Variants in TBC1D5 observed in about 807,000 individuals in gnomAD.
The protein encoded by TBC1D5 is TBC1 domain family member 5.
A neutral mutation model predicts 100.3 loss-of-function variants in TBC1D5; 75 were observed. The observed-to-expected ratio is 0.75, with a 90% CI of 0.62 to 0.91. The LOEUF (loss-of-function observed/expected upper bound fraction) is 0.91. Ranked by LOEUF, TBC1D5 falls within the 40% of genes least tolerant of loss-of-function variation. The pLI is 0.00. For synonymous variants in TBC1D5, 323 were observed against 325.6 expected (o/e 0.99, Z 0.09); for missense variants, 910 against 942.4 (o/e 0.97, Z 0.45).
At chr3:17,730,424 G>T (rs1050658315) in intron 1 of TBC1D5, among the ~76,000 whole-genome samples, 2 of 152,128 alleles carry the variant, frequency 1.3e-5, no homozygotes, top group African/African-American at 4.8e-5. Context: ...TGAAATGCTT[G>T]TTCTTAGAGC....
intron 17 of TBC1D5, 48 bp from the exon 18 acceptor site, chr3:17,233,798 T>A (rs914358462): frequency 8.1e-7 from 1 of 1,228,292 alleles, no homozygotes; most frequent in Non-Finnish European, 1.2e-6. Context: ...AAGGAAATAA[T>A]CAACTTCACT....
intron 3 of TBC1D5, among the ~76,000 whole-genome samples, chr3:17,475,204 A>G (rs1234042648): frequency 6.6e-6 from 1 of 151,590 alleles, no homozygotes; most frequent in Non-Finnish European, 1.5e-5. Flanking sequence ...ATATTCCCAA[A>G]TCTAACACCA....
At chr3:17,599,665 T>C (rs2060802747) in intron 2 of TBC1D5, among the ~76,000 whole-genome samples, 2 of 152,102 alleles carry the variant, frequency 1.3e-5, no homozygotes, top group South Asian at 4.1e-4. Flanking sequence ...GCAAAGACAG[T>C]ATTAATTGTA....
At chr3:17,715,801 C>CT (rs2075176371) in intron 1 of TBC1D5, among the ~76,000 whole-genome samples, 1 of 151,470 alleles carries the variant, frequency 6.6e-6, no homozygotes, top group African/African-American at 2.4e-5. Context: ...GACTATGTCT[C>CT]TTAAAAAAAA....
intron 21 of TBC1D5, among the ~76,000 whole-genome samples, chr3:17,162,734 G>T (rs915665290): frequency 2.6e-5 from 4 of 152,208 alleles, no homozygotes; most frequent in Non-Finnish European, 4.4e-5. Context: ...TGGAGGAAAA[G>T]AACTCAAATC....
At chr3:17,366,374 G>A (rs2092130129) in intron 13 of TBC1D5, among the ~76,000 whole-genome samples, 2 of 151,672 alleles carry the variant, frequency 1.3e-5, no homozygotes, top group Non-Finnish European at 2.9e-5. Context: ...CTAGCCCTCA[G>A]GAAATAATAA....
At chr3:17,598,471 T>C (rs1389864974) in intron 2 of TBC1D5, among the ~76,000 whole-genome samples, 1 of 152,236 alleles carries the variant, frequency 6.6e-6, no homozygotes, top group East Asian at 1.9e-4. Flanking sequence ...TTATTCTGCA[T>C]CTCATTAACT....
chr3:17,238,424 T>C lies in TBC1D5; in HGVS notation c.1332-5A>G. 2.5e-6 allele frequency: 4 copies of C among 1,601,414 alleles called. No homozygotes were observed. The highest frequency in any genetic ancestry group is 3.4e-6 in the Non-Finnish European group (4 of 1,173,668). On this transcript the variant is annotated splice_polypyrimidine_tract_variant and splice_region_variant and intron_variant, in intron 16 of 21. Transcript: ENST00000253692. ...GGAGCACCTTTGGCATTGGTCCTGT[T>C]AAAAAAAGAAATGGAGAAGCATTAT...
chr3:17,410,378 T>C (rs1355361815), intron 4 of TBC1D5, among the ~76,000 whole-genome samples: 1 of 152,182 alleles, frequency 6.6e-6, no homozygotes, highest in African/African-American at 2.4e-5. Context: ...TACAAAGAGA[T>C]TAATGTTGTG....
chr3:17,157,692 C>A (rs1365854891), exon 22 of TBC1D5: 1 of 152,204 alleles, frequency 6.6e-6, no homozygotes, highest in Non-Finnish European at 1.5e-5. Context: ...ATAATGAACC[C>A]TTGGAGCAGT....
intron 13 of TBC1D5, among the ~76,000 whole-genome samples, chr3:17,366,780 A>T (rs1191716000): frequency 6.6e-6 from 1 of 152,180 alleles, no homozygotes; most frequent in Non-Finnish European, 1.5e-5. Flanking sequence ...GGCATTCAAC[A>T]TAATTATACT....
At chr3:17,505,632 T>C (rs1401035464) in intron 3 of TBC1D5, among the ~76,000 whole-genome samples, 4 of 152,210 alleles carry the variant, frequency 2.6e-5, no homozygotes, top group African/African-American at 9.6e-5. Flanking sequence ...ATAGGTTTGC[T>C]ATACCTGAAT....
chr3:17,402,498 A>G (rs1454906674), intron 8 of TBC1D5, among the ~76,000 whole-genome samples: 1 of 152,130 alleles, frequency 6.6e-6, no homozygotes, highest in African/African-American at 2.4e-5. Context: ...CAAATATCAT[A>G]AGAGATGATT....
intron 2 of TBC1D5, among the ~76,000 whole-genome samples, chr3:17,556,012 CTGATA>C (rs1384283694): frequency 2.0e-5 from 3 of 151,976 alleles, no homozygotes; most frequent in Non-Finnish European, 4.4e-5. Flanking sequence ...ACTGAAATTG[CTGATA>C]TTTAATAGTT....
intron 16 of TBC1D5, among the ~76,000 whole-genome samples, chr3:17,253,719 T>C (rs2077371348): frequency 6.6e-6 from 1 of 152,234 alleles, no homozygotes; most frequent in Non-Finnish European, 1.5e-5. Context: ...GAGCTTCATA[T>C]ACATGGAACA....
chr3:17,455,296 GTATGTATA>G (rs2095040637), intron 3 of TBC1D5, among the ~76,000 whole-genome samples: 1 of 132,434 alleles, frequency 7.6e-6, no homozygotes, highest in Admixed American at 7.3e-5. Context: ...ATGTATATAT[GTATGTATA>G]TATGTAAATA....
chr3:17,377,595 A>T (rs903673853), intron 9 of TBC1D5, among the ~76,000 whole-genome samples: 2 of 152,024 alleles, frequency 1.3e-5, no homozygotes, highest in East Asian at 3.9e-4. Context: ...AATAAAAATA[A>T]AATACGAAAG....
chr3:17,572,193 T>C (rs2096631455), intron 2 of TBC1D5, among the ~76,000 whole-genome samples: 2 of 151,710 alleles, frequency 1.3e-5, no homozygotes, highest in Non-Finnish European at 2.9e-5. Context: ...CCTCCTAAGA[T>C]TATCCCCCAA....
chr3:17,587,759 T>G (rs2096741482), intron 2 of TBC1D5, among the ~76,000 whole-genome samples: 1 of 152,038 alleles, frequency 6.6e-6, no homozygotes, highest in Non-Finnish European at 1.5e-5. Flanking sequence ...TATCATCAGC[T>G]GCTCCTTGCA....
Sources: allele counts gnomAD v4.1 joint callset (sites outside exome capture counted in the v4.1 genomes callset), GRCh38; gene constraint gnomAD v4.1.1; transcripts MANE v1.5; gene names NCBI Gene and HGNC (gene_info 2026-07-23, HGNC 2026-07-21).